Variants in DOT1L observed in about 807,000 individuals in gnomAD.
DOT1L encodes the protein histone-lysine N-methyltransferase, H3 lysine-79 specific.
DOT1L carries 33 observed loss-of-function variants against 153.3 expected under a neutral mutation model. The observed-to-expected ratio is 0.22, with a 90% confidence interval of 0.16 to 0.29. The LOEUF (loss-of-function observed/expected upper bound fraction) is 0.29, where lower values mean the gene tolerates loss of function less well. DOT1L is among the 10% of genes least tolerant of loss of function. The probability of loss-of-function intolerance (pLI) is 1.00; values close to 1 mark genes in which losing one functional copy is unlikely to be tolerated. For missense variants in DOT1L, 1,847 were observed against 2,119.9 expected (o/e 0.87, Z 2.53); for synonymous variants, 1,135 against 965.1 (o/e 1.18, Z -3.26).
chr19:2,227,123 T>G lies in DOT1L; in HGVS notation c.4602T>G (p.Val1534=). The change falls in exon 27 of 28, where the codon GTT becomes GTG. Residue 1534 remains valine (V), a synonymous_variant. Coordinates refer to ENST00000398665, the MANE Select transcript of DOT1L (RefSeq NM_032482.3). ...GSFSGVAGGT[V]GGN ...TTTCCGGGGTGGCAGGCGGCACAGT[T>G]GGAGGTAGGCAGGGCGGCCGTCCGT... The G allele has an allele frequency of 6.4e-7, 1 of 1,559,200 alleles. No homozygotes were observed. Among genetic ancestry groups the G allele is most frequent in the Non-Finnish European group, 8.6e-7 (1 of 1,160,900 alleles).
intron 22 of DOT1L, among the ~76,000 whole-genome samples, chr19:2,218,548 C>T (rs1424583309): frequency 6.6e-6 from 1 of 150,982 alleles, no homozygotes; most frequent in Non-Finnish European, 1.5e-5. Flanking sequence ...CGCCCGCCAC[C>T]ACGCCTGGCT....
intron 16 of DOT1L, 124 bp from the exon 17 acceptor site, chr19:2,213,415 C>T (rs2023782170): frequency 1.1e-6 from 1 of 921,592 alleles, no homozygotes; most frequent in Non-Finnish European, 1.6e-6. Context: ...CGGTGTGGGT[C>T]CCCTCAGGCA....
At chr19:2,206,680 C>G (rs1194472376) in intron 9 of DOT1L, 49 bp from the exon 10 acceptor site, 1 of 1,595,288 alleles carries the variant, frequency 6.3e-7, no homozygotes, top group Admixed American at 1.7e-5. Flanking sequence ...GGTGTCTGCT[C>G]TTCTGTTTCC....
intron 14 of DOT1L, 114 bp from the exon 15 acceptor site, chr19:2,210,985 G>A: frequency 2.1e-6 from 3 of 1,449,208 alleles, no homozygotes; most frequent in Non-Finnish European, 2.9e-6. Flanking sequence ...TTGTGGCTGT[G>A]CCTTCAGGGT....
intron 5 of DOT1L, among the ~76,000 whole-genome samples, chr19:2,192,368 A>G (rs952215258): frequency 2.0e-5 from 3 of 152,342 alleles, no homozygotes; most frequent in South Asian, 4.1e-4. Context: ...AAAAAATGCA[A>G]TAAAAAGAAT....
intron 1 of DOT1L, among the ~76,000 whole-genome samples, chr19:2,179,474 C>A (rs922383272): frequency 2.6e-5 from 4 of 152,112 alleles, no homozygotes; most frequent in Admixed American, 2.6e-4. Flanking sequence ...TGGCGTTTAC[C>A]TATTGGGGAT....
chr19:2,203,365 G>A (rs750103381), intron 9 of DOT1L, among the ~76,000 whole-genome samples: 2 of 152,198 alleles, frequency 1.3e-5, no homozygotes, highest in Non-Finnish European at 2.9e-5. Context: ...CCCCCGCAAA[G>A]TTTTGAGATT....
chr19:2,184,582 G>A (rs918557823), intron 2 of DOT1L, among the ~76,000 whole-genome samples: 3 of 152,170 alleles, frequency 2.0e-5, no homozygotes, highest in Non-Finnish European at 4.4e-5. Context: ...CTGCAGAGCC[G>A]CAGGCCAGGT....
rs373323311 is a variant in DOT1L, at chr19:2,232,238, C to G, written c.*2446C>G. On this transcript the variant is annotated 3_prime_UTR_variant, in exon 28 of 28. Coordinates refer to ENST00000398665, the MANE Select transcript of DOT1L (RefSeq NM_032482.3). Reference sequence around the variant, plus strand: ...AACCCTAAAAACTAGGATACCCCCTCCTCGGCCCATGAGGCACGCACAGTG... The same window carrying G: ...AACCCTAAAAACTAGGATACCCCCTGCTCGGCCCATGAGGCACGCACAGTG... The G allele has an allele frequency of 1.4e-5, 3 of 219,584 alleles. No homozygotes were observed. The highest frequency in any genetic ancestry group is 2.7e-5 in the Non-Finnish European group (3 of 109,612). 13.6% of individuals were successfully genotyped at this position (219,584 alleles called of 1,614,324 possible).
chr19:2,210,265 T>C, intron 12 of DOT1L, 135 bp from the exon 13 acceptor site: 1 of 817,196 alleles, frequency 1.2e-6, no homozygotes, highest in Admixed American at 3.5e-5. Flanking sequence ...GTTTCCTGAT[T>C]TGTGCCACAG....
Position 2,227,127 on chromosome 19 carries a change from G to C in DOT1L, c.4606G>C (p.Gly1536Arg). ...FSGVAGGTVGGN is the reference protein window; with the variant it reads ...FSGVAGGTVGRN The stretch of plus-strand genomic sequence containing the variant: ...CGGGGTGGCAGGCGGCACAGTTGGA[G>C]GTAGGCAGGGCGGCCGTCCGTCCGC... The change falls in exon 27 of 28, where the codon GGT becomes CGT. Residue 1536 changes from glycine to arginine, a missense_variant and splice_region_variant. By Grantham distance (125) the Gly-to-Arg change is moderately radical (BLOSUM62 -2). Transcript: ENST00000398665. The C allele has an allele frequency of 6.4e-7, 1 of 1,557,960 alleles. No homozygotes were observed. Among genetic ancestry groups the C allele is most frequent in the Non-Finnish European group, 8.6e-7 (1 of 1,161,040 alleles).
In DOT1L at chr19:2,230,907, T is replaced by C; in HGVS notation, c.*1115T>C. 3.4e-6 allele frequency: 1 copy of C among 293,536 alleles called. No individual in the cohort carries two copies. Among genetic ancestry groups the C allele is most frequent in the East Asian group, 5.0e-5 (1 of 19,812 alleles). The allele number at this position is 293,536 out of a possible 1,614,324, so 18.2% of individuals were successfully genotyped here. ...CAGGGCCACGCCTGGCACCCATCCC[T>C]TGGAGCCTGTGCTGGTTCTCCCAGC... On this transcript the variant is annotated 3_prime_UTR_variant, in exon 28 of 28. Coordinates refer to ENST00000398665, the MANE Select transcript of DOT1L (RefSeq NM_032482.3).
intron 14 of DOT1L, 107 bp downstream of exon 14, chr19:2,210,962 T>C: frequency 6.8e-7 from 1 of 1,476,710 alleles, no homozygotes; most frequent in Non-Finnish European, 9.3e-7. Flanking sequence ...AGGGTGTCCC[T>C]GGAGCCTCCC....
At chr19:2,182,060 T>TA (rs1023787986) in intron 2 of DOT1L, among the ~76,000 whole-genome samples, 70 of 150,606 alleles carry the variant, frequency 4.6e-4, no homozygotes, top group East Asian at 3.3e-3. Flanking sequence ...CTGTCTCTAC[T>TA]AAAAAAAAAC....
intron 1 of DOT1L, among the ~76,000 whole-genome samples, chr19:2,175,376 C>T (rs2021875406): frequency 6.6e-6 from 1 of 152,196 alleles, no homozygotes. Context: ...TCATGATTCA[C>T]TGTGGCCTCA....
chr19:2,221,872 C>T (rs558452730), intron 23 of DOT1L, 104 bp from the exon 24 acceptor site: 7 of 1,209,330 alleles, frequency 5.8e-6, no homozygotes, highest in South Asian at 3.1e-5. Flanking sequence ...CACTTCCCCG[C>T]CTCTCCTGGA....
rs574098670 is a variant in DOT1L at position 2,170,063 on chromosome 19, G to C, written c.81+5798G>C. Among the ~76,000 whole-genome samples, 114 of 152,292 alleles carry C rather than the reference G, an allele frequency of 7.5e-4. No homozygotes were observed. In the South Asian group the frequency reaches 0.013, roughly 18 times the overall value. On this transcript the variant is annotated intron_variant, in intron 1 of 27. Coordinates refer to ENST00000398665, the MANE Select transcript of DOT1L (RefSeq NM_032482.3). ...TCCGGAGAATTGCTTGAACCCGAGAGGGGGAGGCTGCAGTGAGCTGAGATC... is the reference window on the plus strand; with the variant it reads ...TCCGGAGAATTGCTTGAACCCGAGACGGGGAGGCTGCAGTGAGCTGAGATC...
intron 18 of DOT1L, 108 bp from the exon 19 acceptor site, chr19:2,214,363 C>A: frequency 6.6e-7 from 1 of 1,515,812 alleles, no homozygotes; most frequent in South Asian, 1.3e-5. Context: ...GTGCCCTAAG[C>A]ACACATGCTG....
chr19:2,216,378 G>C lies in DOT1L; in HGVS notation c.2021G>C (p.Arg674Pro). The C allele has an allele frequency of 6.2e-7, 1 of 1,612,358 alleles. No homozygotes were observed. Among genetic ancestry groups the C allele is most frequent in the South Asian group, 1.1e-5 (1 of 91,044 alleles). The change falls in exon 20 of 28, where the codon CGT (arginine) becomes CCT (proline). Residue 674 changes from arginine (R) to proline (P), a missense_variant. Arg to Pro is a moderately radical substitution (Grantham distance 103, BLOSUM62 -2). Around this residue, in one of 8 missense-constraint regions of DOT1L, gnomAD observed 281 missense variants for 263.6 expected, o/e 1.07. Coordinates refer to ENST00000398665, the MANE Select transcript of DOT1L (RefSeq NM_032482.3). The stretch of plus-strand genomic sequence containing the variant: ...GACGACGCCCTGTCCCTGCACCTGC[G>C]TGGGAAGGGCGCCCTGGGCCGCGAG... Reference protein sequence around the residue: ...PPDDALSLHLRGKGALGRELE... With the variant: ...PPDDALSLHLPGKGALGRELE...
Sources: allele counts gnomAD v4.1 joint callset (sites outside exome capture counted in the v4.1 genomes callset), GRCh38; gene constraint gnomAD v4.1.1; regional missense constraint gnomAD v4.1.1; transcripts MANE v1.5; gene names NCBI Gene and HGNC (gene_info 2026-07-23, HGNC 2026-07-21).